LAMB3: variants seen among roughly 807,000 people sequenced by gnomAD.
LAMB3 encodes laminin subunit beta-3.
LAMB3 carries 104 observed loss-of-function variants against 140.3 expected under a neutral mutation model. The ratio of observed to expected loss-of-function variants is 0.74; its 90% CI spans 0.63 to 0.87. LAMB3 has a LOEUF of 0.87. LAMB3 is among the 40% of genes least tolerant of loss of function. The pLI is 0.00. For missense variants in LAMB3, 1,531 were observed against 1,575.2 expected (o/e 0.97, Z 0.47); for synonymous variants, 592 against 602.9 (o/e 0.98, Z 0.26).
At chr1:209,618,357 C>G in intron 19 of LAMB3, 95 bp downstream of exon 19, 1 of 1,277,446 alleles carries the variant, frequency 7.8e-7, no homozygotes, top group South Asian at 1.2e-5. Flanking sequence ...CCTCCTGTCT[C>G]CCAGCCCTCT....
At position 209,618,658 on chromosome 1, in the gene LAMB3, G is replaced by C; in HGVS notation, c.2703C>G (p.Asp901Glu). 2 of 1,495,320 alleles carry C rather than the reference G, an allele frequency of 1.3e-6. No individual in the cohort carries two copies. The highest frequency in any genetic ancestry group is 1.8e-6 in the Non-Finnish European group (2 of 1,131,868). 92.6% of individuals were successfully genotyped at this position (1,495,320 alleles called of 1,614,324 possible). A position where few individuals can be genotyped will look rare whatever the true frequency, so the allele number is the denominator to read the frequency against. ...GGATAGTGGCTGCATCAGTGTCGGG[G>C]TCTGGAAGACAACACGCATTTGACT... is the stretch of plus-strand genomic sequence containing the variant. ...LIQQVRDFLT[D>E]PDTDAATIQE... is the part of the protein sequence containing the mutation. Residue 901 changes from aspartate (D) to glutamate (E), a missense_variant and splice_region_variant, in exon 19 of 23, where the codon GAC becomes GAG. Transcript: ENST00000356082.
chr1:209,638,727 A>G, intron 3 of LAMB3, 79 bp from the exon 4 acceptor site: 6 of 834,398 alleles, frequency 7.2e-6, no homozygotes, highest in South Asian at 7.0e-5. Context: ...ATCCCAGCAT[A>G]TCTCCTCTGT....
chr1:209,627,645 C>T (rs1244485044), intron 11 of LAMB3, 66 bp from the exon 12 acceptor site: 1 of 1,479,876 alleles, frequency 6.8e-7, no homozygotes, highest in Non-Finnish European at 9.4e-7. Context: ...AGAGGACACA[C>T]ATCCAGGGAG....
intron 5 of LAMB3, 128 bp from the exon 6 acceptor site, chr1:209,634,766 G>A: frequency 1.4e-6 from 1 of 733,288 alleles, no homozygotes; most frequent in South Asian, 1.6e-5. Context: ...AGTGGGCTCG[G>A]AGCATCCGGG....
At chr1:209,644,693 G>A (rs998870583) in intron 3 of LAMB3, among the ~76,000 whole-genome samples, 1 of 152,034 alleles carries the variant, frequency 6.6e-6, no homozygotes, top group Non-Finnish European at 1.5e-5. Flanking sequence ...TTCAGAGTTG[G>A]TTTTCAGGAA....
chr1:209,620,705 G>T (rs1290060040), intron 18 of LAMB3, among the ~76,000 whole-genome samples: 1 of 152,234 alleles, frequency 6.6e-6, no homozygotes, highest in African/African-American at 2.4e-5. Context: ...AGTAATAAGA[G>T]TACTTAGTTC....
rs7514594 is a variant in LAMB3, at chr1:209,645,716, C to T, written c.183+4248G>A. 4.3e-5 allele frequency among the ~76,000 whole-genome samples: 6 copies of T among 138,150 alleles called. No individual in the cohort carries two copies. The Admixed American group carries it at 4.7e-4, about 11-fold the overall frequency. The allele number at this position is 138,150 out of a possible 152,430, so 90.6% of individuals were successfully genotyped here. A position where few individuals can be genotyped will look rare whatever the true frequency, so the allele number is the denominator to read the frequency against. ...GGGTGGCAGAGCAAGACTCTGTGTCCCAGGGGAAAAAAAAAAAAAAAAGCA... is the reference window on the plus strand; with the variant it reads ...GGGTGGCAGAGCAAGACTCTGTGTCTCAGGGGAAAAAAAAAAAAAAAAGCA... On this transcript the variant is annotated intron_variant, in intron 3 of 22. Coordinates refer to ENST00000356082, the MANE Select transcript of LAMB3 (RefSeq NM_000228.3).
chr1:209,647,382 T>C (rs1353886461), intron 3 of LAMB3, among the ~76,000 whole-genome samples: 1 of 152,206 alleles, frequency 6.6e-6, no homozygotes, highest in African/African-American at 2.4e-5. Context: ...TGAGTCGCCC[T>C]CTGTTAGTCG....
Position 209,634,347 on chromosome 1 carries a change from G to A in LAMB3, c.564+100C>T, listed in dbSNP as rs538124464. The A allele has an allele frequency of 1.9e-4, 236 of 1,225,880 alleles. 2 individuals are homozygous for A. The South Asian group carries it at 2.7e-3, about 14-fold the overall frequency. 75.9% of individuals were successfully genotyped at this position (1,225,880 alleles called of 1,614,324 possible). ...GAAAGTCAGCAAGGGGAGCTGGCGA[G>A]GGTGTTTCCGTCCCTTCTCAGGAGT... On this transcript the variant is annotated intron_variant, in intron 6 of 22. Transcript: ENST00000356082.
intron 3 of LAMB3, among the ~76,000 whole-genome samples, chr1:209,648,489 A>G (rs908478620): frequency 3.9e-5 from 6 of 152,216 alleles, no homozygotes; most frequent in African/African-American, 1.4e-4. Context: ...AATAGCTGAG[A>G]TTTATCCATC....
chr1:209,645,951 G>A (rs1175090262), intron 3 of LAMB3, among the ~76,000 whole-genome samples: 6 of 152,200 alleles, frequency 3.9e-5, no homozygotes, highest in East Asian at 1.9e-4. Context: ...GTGCGCCTGC[G>A]CGTATTAGAG....
chr1:209,645,849 A>G (rs2076513012), intron 3 of LAMB3, among the ~76,000 whole-genome samples: 1 of 152,218 alleles, frequency 6.6e-6, no homozygotes, highest in Admixed American at 6.5e-5. Flanking sequence ...CCTGAAAATC[A>G]AGAAAACAGA....
chr1:209,625,063 G>A (rs2102418879), intron 14 of LAMB3, among the ~76,000 whole-genome samples: 1 of 152,300 alleles, frequency 6.6e-6, no homozygotes, highest in East Asian at 1.9e-4. Flanking sequence ...AGCACATCGT[G>A]AGTCACGGAG....
At position 209,626,119 on chromosome 1, in the gene LAMB3, C is replaced by T. The variant is rs1335524947; in HGVS notation, c.1598-93G>A. 2.2e-6 allele frequency: 3 copies of T among 1,343,670 alleles called. No homozygotes were observed. In the East Asian group the frequency reaches 7.0e-5, roughly 32 times the overall value. 83.2% of individuals were successfully genotyped at this position (1,343,670 alleles called of 1,614,324 possible). Reference sequence around the variant, plus strand: ...CCTGAAGAGGAGGTCTGACCTGAGGCTCTTTCTACATGACTTAGAATAACA... The same window carrying T: ...CCTGAAGAGGAGGTCTGACCTGAGGTTCTTTCTACATGACTTAGAATAACA... On this transcript the variant is annotated intron_variant, in intron 13 of 22. Transcript: ENST00000356082.
At position 209,617,396 on chromosome 1, in the gene LAMB3, C is replaced by T. The variant is rs767411941; in HGVS notation, c.3228+14G>A. 50 of 1,611,796 alleles carry T rather than the reference C, an allele frequency of 3.1e-5. No homozygotes were observed. Among genetic ancestry groups the T allele is most frequent in the East Asian group, 1.1e-4 (5 of 44,902 alleles). On this transcript the variant is annotated intron_variant, in intron 21 of 22. Coordinates refer to ENST00000356082, the MANE Select transcript of LAMB3 (RefSeq NM_000228.3). Reference sequence around the variant, plus strand: ...TGGCCGTACATCATTGAGCTAACTCCGCCTTCTCTGTACCTCTTGGGCACT... The same window carrying T: ...TGGCCGTACATCATTGAGCTAACTCTGCCTTCTCTGTACCTCTTGGGCACT...
At chr1:209,638,315 C>T (rs976883692) in intron 4 of LAMB3, among the ~76,000 whole-genome samples, 7 of 152,190 alleles carry the variant, frequency 4.6e-5, no homozygotes, top group South Asian at 2.1e-4. Context: ...TAAAGACATT[C>T]CTCTCTCCTC....
At chr1:209,632,933 G>A in intron 7 of LAMB3, 137 bp downstream of exon 7, 1 of 1,012,374 alleles carries the variant, frequency 9.9e-7, no homozygotes, top group South Asian at 1.3e-5. Context: ...ATCCCTATGG[G>A]GCAAGCAGGG....
Position 209,617,528 on chromosome 1 carries a change from C to T in LAMB3, c.3110G>A (p.Gly1037Asp). The T allele has an allele frequency of 6.2e-7, 1 of 1,614,144 alleles. No individual in the cohort carries two copies. The highest frequency in any genetic ancestry group is 2.2e-5 in the East Asian group (1 of 44,882). ...CTCCTCCATCCGTGTCCAGAAGTCA[C>T]CCAGCTGCTTGGTCATGCTTGTCAC... The part of the protein sequence containing the change: ...KLVTSMTKQL[G>D]DFWTRMEELR... Residue 1037 changes from glycine to aspartate, a missense_variant, in exon 21 of 23, where the codon GGT becomes GAT. Physicochemically the swap from Gly to Asp is moderately conservative, Grantham distance 94. Coordinates refer to ENST00000356082, the MANE Select transcript of LAMB3 (RefSeq NM_000228.3).
chr1:209,633,155 A>G, intron 6 of LAMB3, 22 bp from the exon 7 acceptor site: 1 of 1,571,384 alleles, frequency 6.4e-7, no homozygotes, highest in Non-Finnish European at 8.8e-7. Flanking sequence ...AGGGAAAGAG[A>G]AGCGCTGAAG....
Sources: gnomAD v4.1 joint callset for allele counts (sites outside exome capture counted in the v4.1 genomes callset) on GRCh38, gnomAD v4.1.1 for gene constraint, MANE v1.5 for transcripts, NCBI Gene and HGNC (gene_info 2026-07-23, HGNC 2026-07-21) for gene names.